CNTNAP2: variants seen among roughly 807,000 people sequenced by gnomAD.
CNTNAP2 encodes contactin-associated protein-like 2.
A neutral mutation model predicts 155.2 loss-of-function variants in CNTNAP2; 98 were observed. The observed-to-expected ratio is 0.63, with a 90% CI of 0.54 to 0.75. The LOEUF is 0.75. CNTNAP2 is among the 30% of genes least tolerant of loss of function. The probability of loss-of-function intolerance (pLI) is 0.00; values close to 1 mark genes in which losing one functional copy is unlikely to be tolerated. For missense variants in CNTNAP2, 1,727 were observed against 1,688.1 expected (o/e 1.02, Z -0.40); for synonymous variants, 651 against 631.2 (o/e 1.03, Z -0.47).
At chr7:147,479,301 T>C (rs746093406) in intron 10 of CNTNAP2, among the ~76,000 whole-genome samples, 27 of 152,226 alleles carry the variant, frequency 1.8e-4, no homozygotes, top group Non-Finnish European at 3.7e-4. Context: ...ATCTGGCATA[T>C]GTATATAGAA....
chr7:147,654,384 G>A (rs1292642433), intron 13 of CNTNAP2, among the ~76,000 whole-genome samples: 3 of 152,088 alleles, frequency 2.0e-5, no homozygotes, highest in African/African-American at 7.2e-5. Context: ...ATAATCAATG[G>A]CAATGATTTG....
intron 14 of CNTNAP2, among the ~76,000 whole-genome samples, chr7:147,912,438 G>A (rs928342026): frequency 1.1e-4 from 16 of 152,254 alleles, no homozygotes; most frequent in South Asian, 4.1e-4. Context: ...GCCAGCTGCA[G>A]CTGTCTCAGC....
intron 22 of CNTNAP2, among the ~76,000 whole-genome samples, chr7:148,389,112 GGGAGCTGTAGACT>G (rs928258467): frequency 6.6e-6 from 1 of 152,208 alleles, no homozygotes; most frequent in Non-Finnish European, 1.5e-5. Context: ...CGCTCATGCT[GGGAGCTGTAGACT>G]GGAGCTGTTC....
chr7:147,688,521 C>T (rs1440956569), intron 13 of CNTNAP2, among the ~76,000 whole-genome samples: 1 of 152,110 alleles, frequency 6.6e-6, no homozygotes, highest in East Asian at 1.9e-4. Context: ...AGGTCACAAA[C>T]CATAACTGAT....
intron 17 of CNTNAP2, 45 bp from the exon 18 acceptor site, chr7:148,172,197 G>A (rs1196783025): frequency 1.3e-6 from 2 of 1,547,058 alleles, no homozygotes; most frequent in East Asian, 2.2e-5. Context: ...TTAAGCAATA[G>A]CAGAGGTTAT....
intron 16 of CNTNAP2, among the ~76,000 whole-genome samples, chr7:148,143,401 A>G (rs879329409): frequency 5.3e-5 from 8 of 152,228 alleles, no homozygotes; most frequent in Non-Finnish European, 8.8e-5. Context: ...TGAGTAGACC[A>G]GGTGTGGTGG....
At chr7:148,400,007 C>T (rs1230783020) in intron 22 of CNTNAP2, among the ~76,000 whole-genome samples, 5 of 152,276 alleles carry the variant, frequency 3.3e-5, no homozygotes, top group Admixed American at 3.3e-4. Flanking sequence ...GTCCCCCACC[C>T]GAGACCAACT....
At chr7:147,109,458 A>G (rs1164782938) in intron 5 of CNTNAP2, among the ~76,000 whole-genome samples, 1 of 152,208 alleles carries the variant, frequency 6.6e-6, no homozygotes, top group African/African-American at 2.4e-5. Flanking sequence ...TGAGCTGCTT[A>G]TGAAACATCT....
chr7:146,165,418 G>T (rs1159657079), intron 1 of CNTNAP2, among the ~76,000 whole-genome samples: 2 of 152,092 alleles, frequency 1.3e-5, no homozygotes, highest in African/African-American at 4.8e-5. Flanking sequence ...AAGAAAAGAG[G>T]AATATTATTG....
chr7:147,012,111 G>A (rs1798638749), intron 3 of CNTNAP2, among the ~76,000 whole-genome samples: 1 of 152,162 alleles, frequency 6.6e-6, no homozygotes, highest in South Asian at 2.1e-4. Context: ...TTGTTAATCT[G>A]TATTTTGTTA....
At chr7:147,676,170 GT>G (rs1293993814) in intron 13 of CNTNAP2, among the ~76,000 whole-genome samples, 2 of 151,854 alleles carry the variant, frequency 1.3e-5, no homozygotes, top group Non-Finnish European at 2.9e-5. Flanking sequence ...AATCATATCT[GT>G]ATTGAAAATA....
At chr7:147,938,889 G>A (rs563424707) in intron 14 of CNTNAP2, among the ~76,000 whole-genome samples, 1 of 152,248 alleles carries the variant, frequency 6.6e-6, no homozygotes, top group East Asian at 1.9e-4. Context: ...AGCCCAACTG[G>A]AGGCTTAAGG....
At chr7:147,441,028 T>C (rs767198877) in intron 10 of CNTNAP2, among the ~76,000 whole-genome samples, 4 of 152,080 alleles carry the variant, frequency 2.6e-5, no homozygotes, top group Non-Finnish European at 5.9e-5. Flanking sequence ...AAATTTTTCT[T>C]TTATTGTGTC....
intron 1 of CNTNAP2, among the ~76,000 whole-genome samples, chr7:146,706,595 G>A (rs948152351): frequency 1.3e-5 from 2 of 152,214 alleles, no homozygotes; most frequent in African/African-American, 4.8e-5. Flanking sequence ...CATAAAAAAG[G>A]ATGAGATTAT....
chr7:146,643,870 C>T (rs1309132408), intron 1 of CNTNAP2, among the ~76,000 whole-genome samples: 1 of 151,220 alleles, frequency 6.6e-6, no homozygotes, highest in Non-Finnish European at 1.5e-5. Context: ...TTGAAGAGGT[C>T]CTTCACGTCT....
chr7:146,335,378 C>A (rs1259510083), intron 1 of CNTNAP2, among the ~76,000 whole-genome samples: 1 of 152,132 alleles, frequency 6.6e-6, no homozygotes, highest in African/African-American at 2.4e-5. Flanking sequence ...CTAAACAAGA[C>A]AGAAAAATGT....
chr7:146,990,259 G>T (rs1422266865), intron 3 of CNTNAP2, among the ~76,000 whole-genome samples: 1 of 152,120 alleles, frequency 6.6e-6, no homozygotes, highest in South Asian at 2.1e-4. Context: ...CAATGAATGA[G>T]TTGCTAGGAC....
chr7:148,415,017 A>C, intron 23 of CNTNAP2: 1 of 331,000 alleles, frequency 3.0e-6, no homozygotes, highest in South Asian at 3.2e-5. Context: ...CAGGGAAACC[A>C]CTGTGCTTTC....
intron 11 of CNTNAP2, among the ~76,000 whole-genome samples, chr7:147,546,102 C>G (rs771992771): frequency 7.9e-5 from 12 of 152,144 alleles, no homozygotes; most frequent in Non-Finnish European, 1.8e-4. Flanking sequence ...TCTTTATTAA[C>G]ATCATGAGAA....
Sources: allele counts gnomAD v4.1 joint callset (sites outside exome capture counted in the v4.1 genomes callset), GRCh38; gene constraint gnomAD v4.1.1; transcripts MANE v1.5; gene names NCBI Gene and HGNC (gene_info 2026-07-23, HGNC 2026-07-21).